Variants in PDGFC observed in about 807,000 individuals in gnomAD.
PDGFC encodes the protein platelet derived growth factor C.
PDGFC carries 12 observed loss-of-function variants against 35.5 expected under a neutral mutation model. The observed-to-expected ratio is 0.34, with a 90% confidence interval of 0.22 to 0.55. PDGFC has a LOEUF of 0.55. Ranked by LOEUF, PDGFC falls within the 20% of genes least tolerant of loss-of-function variation. The probability of loss-of-function intolerance (pLI) is 0.91; values close to 1 mark genes in which losing one functional copy is unlikely to be tolerated. For synonymous variants in PDGFC, 159 were observed against 148.8 expected, an observed-to-expected ratio of 1.07 and a Z score of -0.50; for missense variants, 322 against 412.4, an observed-to-expected ratio of 0.78 and a Z score of 1.90.
chr4:156,774,446 C>T (rs1031172605), intron 3 of PDGFC: 7 of 152,142 alleles, frequency 4.6e-5, no homozygotes, highest in Admixed American at 4.6e-4. Flanking sequence ...GTCCCACAGC[C>T]CTCTGTGGGC....
intron 1 of PDGFC, among the ~76,000 whole-genome samples, chr4:156,929,353 A>T (rs560833944): frequency 6.6e-6 from 1 of 152,136 alleles, no homozygotes; most frequent in South Asian, 2.1e-4. Flanking sequence ...ATCCCAACCT[A>T]TCTATGTGAG....
At chr4:156,889,489 T>C (rs1015176912) in intron 1 of PDGFC, among the ~76,000 whole-genome samples, 4 of 152,218 alleles carry the variant, frequency 2.6e-5, no homozygotes, top group Non-Finnish European at 1.5e-5. Flanking sequence ...AAACTGGGAT[T>C]CCAATTTGGG....
intron 2 of PDGFC, among the ~76,000 whole-genome samples, chr4:156,825,590 TAATAAGAAGAAGAAGAAG>T (rs1450955546): frequency 1.1e-3 from 85 of 78,358 alleles, no homozygotes; most frequent in African/African-American, 4.6e-3. Context: ...ATAATAATAA[TAATAAGAAGAAGAAGAAG>T]AAGAAGAAGA....
intron 1 of PDGFC, among the ~76,000 whole-genome samples, chr4:156,945,320 T>C (rs1224902875): frequency 2.2e-5 from 3 of 134,826 alleles, no homozygotes; most frequent in South Asian, 4.6e-4. Context: ...ATTATATATA[T>C]GTGTATATAT....
intron 3 of PDGFC, among the ~76,000 whole-genome samples, chr4:156,786,556 G>A (rs976275544): frequency 6.6e-6 from 1 of 152,108 alleles, no homozygotes; most frequent in Non-Finnish European, 1.5e-5. Context: ...AGGAGGGGAC[G>A]CTGTGGCTGG....
chr4:156,891,369 T>C (rs1195358904), intron 1 of PDGFC, among the ~76,000 whole-genome samples: 2 of 147,292 alleles, frequency 1.4e-5, no homozygotes, highest in East Asian at 4.1e-4. Context: ...TCTTCATATG[T>C]ATATGCAGTT....
chr4:156,933,157 T>C (rs1241724167), intron 1 of PDGFC, among the ~76,000 whole-genome samples: 1 of 152,194 alleles, frequency 6.6e-6, no homozygotes, highest in Non-Finnish European at 1.5e-5. Context: ...GGAAATCTAA[T>C]GAAATGCAGT....
chr4:156,812,479 C>T (rs988186620), intron 2 of PDGFC, among the ~76,000 whole-genome samples: 2 of 151,982 alleles, frequency 1.3e-5, no homozygotes, highest in African/African-American at 4.8e-5. Context: ...CAGGGCATTG[C>T]AAAACTTTTG....
At chr4:156,796,774 G>A (rs1160913509) in intron 3 of PDGFC, among the ~76,000 whole-genome samples, 2 of 152,026 alleles carry the variant, frequency 1.3e-5, no homozygotes, top group Non-Finnish European at 1.5e-5. Context: ...ATAATAGTAA[G>A]TATTCGAGAA....
At chr4:156,803,624 A>T (rs137931177) in intron 3 of PDGFC, among the ~76,000 whole-genome samples, 285 of 152,274 alleles carry the variant, frequency 1.9e-3, no homozygotes, top group African/African-American at 6.4e-3. Context: ...CTGCCTACAA[A>T]GGGCAGAAAA....
chr4:156,962,439 T>G (rs1333549754), intron 1 of PDGFC, among the ~76,000 whole-genome samples: 5 of 152,094 alleles, frequency 3.3e-5, no homozygotes, highest in African/African-American at 1.2e-4. Flanking sequence ...TGAAGTGAAA[T>G]AAAGCACTGT....
intron 5 of PDGFC, among the ~76,000 whole-genome samples, chr4:156,765,876 A>G (rs902739999): frequency 6.6e-6 from 1 of 152,154 alleles, no homozygotes; most frequent in Non-Finnish European, 1.5e-5. Context: ...TATTAATGGC[A>G]TGAAAATTGC....
At chr4:156,888,415 G>A (rs1290949389) in intron 1 of PDGFC, among the ~76,000 whole-genome samples, 1 of 152,166 alleles carries the variant, frequency 6.6e-6, no homozygotes, top group Non-Finnish European at 1.5e-5. Context: ...ATTTAATTTA[G>A]TTTGATGAAA....
In PDGFC at chr4:156,883,038, C is replaced by G. The variant is rs545870328; in HGVS notation, c.119-32622G>C. On this transcript the variant is annotated intron_variant, in intron 1 of 5. Coordinates refer to ENST00000502773, the MANE Select transcript of PDGFC (RefSeq NM_016205.3). The stretch of plus-strand genomic sequence containing the variant: ...GGCGGAGCTTGCAGTGAGCCAAAAT[C>G]ACGCCACTGCAATCCAGCCTGAGCG... 4.1e-4 allele frequency among the ~76,000 whole-genome samples: 62 copies of G among 150,820 alleles called. 1 individual carries two copies. Among genetic ancestry groups the G allele is most frequent in the African/African-American group, 1.2e-3 (49 of 41,036 alleles).
chr4:156,814,706 A>C (rs531335652), intron 2 of PDGFC, among the ~76,000 whole-genome samples: 9 of 152,182 alleles, frequency 5.9e-5, no homozygotes, highest in Non-Finnish European at 1.2e-4. Context: ...TTTCTGTTTA[A>C]AAATAAACTA....
chr4:156,923,249 C>T (rs1305942641), intron 1 of PDGFC, among the ~76,000 whole-genome samples: 1 of 152,112 alleles, frequency 6.6e-6, no homozygotes, highest in African/African-American at 2.4e-5. Context: ...TGACCTGGTC[C>T]TCACTCAGGG....
intron 1 of PDGFC, among the ~76,000 whole-genome samples, chr4:156,870,759 T>A (rs1729962560): frequency 6.6e-6 from 1 of 152,276 alleles, no homozygotes; most frequent in South Asian, 2.1e-4. Context: ...TTCCTAAAAG[T>A]AACTAAGTGA....
At chr4:156,785,524 T>C (rs1347168359) in intron 3 of PDGFC, among the ~76,000 whole-genome samples, 2 of 152,082 alleles carry the variant, frequency 1.3e-5, no homozygotes, top group African/African-American at 2.4e-5. Context: ...CTAAGTTTAA[T>C]AAACTTCTAA....
intron 2 of PDGFC, among the ~76,000 whole-genome samples, chr4:156,823,427 CTCAG>C (rs1398953474): frequency 6.6e-6 from 1 of 152,254 alleles, no homozygotes; most frequent in East Asian, 1.9e-4. Flanking sequence ...CAATAAGTTA[CTCAG>C]TAAGTGATAG....
Sources: gnomAD v4.1 joint callset for allele counts (sites outside exome capture counted in the v4.1 genomes callset) on GRCh38, gnomAD v4.1.1 for gene constraint, MANE v1.5 for transcripts, NCBI Gene and HGNC (gene_info 2026-07-23, HGNC 2026-07-21) for gene names.